The following KDM2A variants were observed in gnomAD, a reference collection of about 807,000 sequenced individuals.
The protein encoded by KDM2A is lysine demethylase 2A.
A neutral mutation model predicts 137.3 loss-of-function variants in KDM2A; 3 were observed. The ratio of observed to expected loss-of-function variants is 0.02; its 90% confidence interval spans 0.01 to 0.06. The LOEUF is 0.06. Among genes scored for constraint, KDM2A ranks in the 10% least tolerant of loss-of-function variants. The pLI is 1.00. For missense variants in KDM2A, 738 were observed against 1,510.6 expected (o/e 0.49, Z 8.48); for synonymous variants, 512 against 541.5 (o/e 0.95, Z 0.76).
At chr11:67,148,723 C>T (rs947593722) in intron 2 of KDM2A, among the ~76,000 whole-genome samples, 2 of 152,062 alleles carry the variant, frequency 1.3e-5, no homozygotes, top group Admixed American at 1.3e-4. Flanking sequence ...ATCACTTGAA[C>T]CCGGGAGGTG....
In KDM2A at chr11:67,215,401, A is replaced by C. The variant is rs1444531732; in HGVS notation, c.548A>C (p.Glu183Ala). The C allele has an allele frequency of 6.2e-7, 1 of 1,613,876 alleles. No individual in the cohort carries two copies. The highest frequency in any genetic ancestry group is 1.7e-5 in the Admixed American group (1 of 60,018). Reference sequence around the variant, plus strand: ...AGGCACTTGAAGGAAAGCCAGACTGAATCAACAAATGCCATCTTGGAGATG... The same window carrying C: ...AGGCACTTGAAGGAAAGCCAGACTGCATCAACAAATGCCATCTTGGAGATG... ...WPRHLKESQTESTNAILEMQY... is the reference protein window; with the variant it reads ...WPRHLKESQTASTNAILEMQY... The change falls in exon 7 of 21, where the codon GAA becomes GCA. Residue 183 changes from glutamate (E) to alanine (A), a missense_variant. By Grantham distance (107) the Glu-to-Ala change is moderately radical (BLOSUM62 -1). Transcript: ENST00000529006.
chr11:67,229,144 T>G (rs1421740894), intron 11 of KDM2A, among the ~76,000 whole-genome samples: 1 of 152,234 alleles, frequency 6.6e-6, no homozygotes, highest in Non-Finnish European at 1.5e-5. Flanking sequence ...ATTTATGAAA[T>G]TCTTATTATT....
chr11:67,197,534 A>G (rs548687916), intron 5 of KDM2A, among the ~76,000 whole-genome samples: 7 of 152,230 alleles, frequency 4.6e-5, no homozygotes, highest in African/African-American at 9.6e-5. Context: ...TGTTTCTTGG[A>G]TAGCTAATCA....
intron 2 of KDM2A, among the ~76,000 whole-genome samples, chr11:67,161,102 C>T (rs1437571003): frequency 2.0e-5 from 3 of 152,160 alleles, no homozygotes; most frequent in African/African-American, 7.2e-5. Flanking sequence ...TAATTCACAC[C>T]TGTATTCCCC....
intron 12 of KDM2A, among the ~76,000 whole-genome samples, chr11:67,238,193 G>T (rs906824851): frequency 2.6e-5 from 4 of 152,064 alleles, no homozygotes; most frequent in African/African-American, 9.7e-5. Flanking sequence ...TAGCAGGAGG[G>T]GGTAAAGTTA....
chr11:67,196,243 CAGGCT>C (rs1857478612), intron 5 of KDM2A: 2 of 456,128 alleles, frequency 4.4e-6, no homozygotes, highest in Non-Finnish European at 8.8e-6. Flanking sequence ...GCCTCAGATG[CAGGCT>C]ACCACTGCTG....
At chr11:67,176,333 T>C (rs1321325044) in intron 2 of KDM2A, among the ~76,000 whole-genome samples, 1 of 152,182 alleles carries the variant, frequency 6.6e-6, no homozygotes, top group Non-Finnish European at 1.5e-5. Flanking sequence ...TCTTACGTGT[T>C]TATGTAGATT....
chr11:67,182,222 T>C (rs1468590227), intron 5 of KDM2A, among the ~76,000 whole-genome samples: 2 of 152,182 alleles, frequency 1.3e-5, no homozygotes, highest in African/African-American at 4.8e-5. Context: ...ATATCCGTGA[T>C]TCCCTTCCTT....
intron 11 of KDM2A, among the ~76,000 whole-genome samples, chr11:67,229,337 CT>C: frequency 1.3e-5 from 2 of 152,274 alleles, no homozygotes; most frequent in East Asian, 3.9e-4. Flanking sequence ...AGTTTATGCT[CT>C]TTATCTCTGT....
intron 2 of KDM2A, among the ~76,000 whole-genome samples, chr11:67,164,746 G>C (rs1711798863): frequency 6.6e-6 from 1 of 151,858 alleles, no homozygotes; most frequent in East Asian, 1.9e-4. Flanking sequence ...TCAGCCTCTT[G>C]AGTAGCTGGG....
At chr11:67,235,127 A>G (rs1308304631) in intron 12 of KDM2A, among the ~76,000 whole-genome samples, 1 of 146,900 alleles carries the variant, frequency 6.8e-6, no homozygotes, top group African/African-American at 2.6e-5. Flanking sequence ...CCTGGGTGAC[A>G]GAGCAAGACT....
intron 2 of KDM2A, among the ~76,000 whole-genome samples, chr11:67,141,879 A>G (rs1168974485): frequency 6.6e-6 from 1 of 151,412 alleles, no homozygotes; most frequent in East Asian, 1.9e-4. Flanking sequence ...TGTTTATGAG[A>G]TCAGCTTTTT....
chr11:67,250,266 A>C lies in KDM2A; in HGVS notation c.2236A>C (p.Ser746Arg), dbSNP rs1590829459. The change falls in exon 17 of 21, where the codon AGC (serine) becomes CGC (arginine). Residue 746 changes from serine (S) to arginine (R), a missense_variant. This residue lies in a region of KDM2A where 244 missense variants were observed against 324.6 expected (regional missense o/e 0.75). Coordinates refer to ENST00000529006, the MANE Select transcript of KDM2A (RefSeq NM_012308.3). The surrounding 1 kb of genome is among the most constrained non-coding windows in gnomAD (Gnocchi z 7.1). ...VTRSSPGAGP[S>R]DHHSASRDER... The stretch of plus-strand genomic sequence containing the variant: ...TCGGTCATCCCCTGGGGCTGGCCCC[A>C]GCGACCACCACAGTGCCAGCCGCGA... 6.2e-7 allele frequency: 1 copy of C among 1,613,660 alleles called. No homozygotes were observed. Among genetic ancestry groups the C allele is most frequent in the Non-Finnish European group, 8.5e-7 (1 of 1,179,828 alleles).
intron 11 of KDM2A, among the ~76,000 whole-genome samples, chr11:67,229,284 T>A (rs1858639411): frequency 6.6e-6 from 1 of 152,224 alleles, no homozygotes; most frequent in African/African-American, 2.4e-5. Flanking sequence ...TCTGACCAGC[T>A]TGGTTCAGCT....
chr11:67,237,028 A>G (rs536096210), intron 12 of KDM2A, among the ~76,000 whole-genome samples: 56 of 152,360 alleles, frequency 3.7e-4, no homozygotes, highest in African/African-American at 1.2e-3. Flanking sequence ...AGAGTGGCAG[A>G]GTCTATCCTG....
At chr11:67,224,461 C>CTTTTTTTTTTTTTTTTTTTTTTTTTTTT in intron 10 of KDM2A, among the ~76,000 whole-genome samples, 1 of 95,164 alleles carries the variant, frequency 1.1e-5, no homozygotes, top group Non-Finnish European at 1.9e-5. Flanking sequence ...TAACCCCTTT[C>CTTTTTTTTTTTTTTTTTTTTTTTTTTTT]TTTTTTTTTT....
chr11:67,167,966 A>G (rs1472111910), intron 2 of KDM2A, among the ~76,000 whole-genome samples: 1 of 152,214 alleles, frequency 6.6e-6, no homozygotes, highest in Non-Finnish European at 1.5e-5. Context: ...AAAAAGTTTT[A>G]TATAGATCAA....
chr11:67,186,599 T>G (rs1190990231), intron 5 of KDM2A, among the ~76,000 whole-genome samples: 1 of 152,228 alleles, frequency 6.6e-6, no homozygotes, highest in African/African-American at 2.4e-5. Flanking sequence ...CATGGGTAAT[T>G]GTAAGAGCTA....
intron 2 of KDM2A, among the ~76,000 whole-genome samples, chr11:67,158,139 CT>C (rs1463559978): frequency 6.6e-6 from 1 of 151,494 alleles, no homozygotes; most frequent in Non-Finnish European, 1.5e-5. Context: ...AACTACGGAT[CT>C]TTTTGCTGTC....
Sources: allele counts gnomAD v4.1 joint callset (sites outside exome capture counted in the v4.1 genomes callset), GRCh38; gene constraint gnomAD v4.1.1; regional missense constraint gnomAD v4.1.1; non-coding constraint Gnocchi (gnomAD v3.1); transcripts MANE v1.5; gene names NCBI Gene and HGNC (gene_info 2026-07-23, HGNC 2026-07-21).